NAV2: variants seen among roughly 807,000 people sequenced by gnomAD.
NAV2 encodes the protein helicase, APC down-regulated 1.
NAV2 carries 54 observed loss-of-function variants against 223.2 expected under a neutral mutation model. The observed-to-expected ratio is 0.24, with a 90% CI of 0.19 to 0.30. The LOEUF is 0.30. Ranked by LOEUF, NAV2 falls within the 10% of genes least tolerant of loss-of-function variation. The probability of loss-of-function intolerance (pLI) is 1.00; values close to 1 mark genes in which losing one functional copy is unlikely to be tolerated. For missense variants in NAV2, 2,806 were observed against 3,147.5 expected (o/e 0.89, Z 2.60); for synonymous variants, 1,279 against 1,239.3 (o/e 1.03, Z -0.67).
chr11:19,534,668 T>C (rs1199442152), intron 1 of NAV2, among the ~76,000 whole-genome samples: 1 of 152,142 alleles, frequency 6.6e-6, no homozygotes, highest in Non-Finnish European at 1.5e-5. Flanking sequence ...AGCAATGGCA[T>C]GGAACTTGGA....
chr11:20,031,700 T>A (rs1414346329), intron 11 of NAV2, among the ~76,000 whole-genome samples: 2 of 151,826 alleles, frequency 1.3e-5, no homozygotes, highest in Non-Finnish European at 2.9e-5. Flanking sequence ...CACTGGCAGC[T>A]CTAGGCTCTA....
At chr11:19,514,387 T>C (rs35735536) in intron 1 of NAV2, among the ~76,000 whole-genome samples, 2,541 of 152,288 alleles carry the variant, frequency 0.017, 46 homozygotes, top group Non-Finnish European at 0.025. Context: ...CTCTTTAACA[T>C]TGCGGTTTTT....
At chr11:19,871,695 G>A (rs1041188735) in intron 4 of NAV2, among the ~76,000 whole-genome samples, 5 of 152,150 alleles carry the variant, frequency 3.3e-5, no homozygotes, top group South Asian at 4.1e-4. Flanking sequence ...GGAACTGCAA[G>A]GCCTCCTGTC....
chr11:19,606,252 G>A (rs2046473123), intron 1 of NAV2, among the ~76,000 whole-genome samples: 1 of 152,186 alleles, frequency 6.6e-6, no homozygotes, highest in Non-Finnish European at 1.5e-5. Context: ...AAAGTGTATT[G>A]GATATTGGAT....
chr11:19,865,081 AG>A (rs1361408483), intron 3 of NAV2, among the ~76,000 whole-genome samples: 1 of 152,232 alleles, frequency 6.6e-6, no homozygotes, highest in East Asian at 1.9e-4. Context: ...AATTTTGGAA[AG>A]TAGTTTATAT....
chr11:19,897,320 C>T (rs982316090), intron 6 of NAV2, among the ~76,000 whole-genome samples: 11 of 151,806 alleles, frequency 7.2e-5, no homozygotes, highest in East Asian at 1.9e-4. Flanking sequence ...CAACATGGCA[C>T]GGGTATACAT....
At chr11:19,549,220 G>C (rs2044609436) in intron 1 of NAV2, among the ~76,000 whole-genome samples, 2 of 152,188 alleles carry the variant, frequency 1.3e-5, no homozygotes, top group Non-Finnish European at 2.9e-5. Context: ...ATTCTCATCA[G>C]ACTGGCTAAG....
At chr11:19,918,511 T>C (rs1382424953) in intron 6 of NAV2, among the ~76,000 whole-genome samples, 1 of 152,222 alleles carries the variant, frequency 6.6e-6, no homozygotes, top group African/African-American at 2.4e-5. Context: ...ATGAAAAAAG[T>C]ATATGCCTGC....
chr11:19,739,278 C>CAT (rs2052595038), intron 1 of NAV2, among the ~76,000 whole-genome samples: 1 of 152,218 alleles, frequency 6.6e-6, no homozygotes, highest in Non-Finnish European at 1.5e-5. Context: ...ATTGAACATT[C>CAT]ATATATACTA....
intron 1 of NAV2, among the ~76,000 whole-genome samples, chr11:19,728,274 A>C (rs2051418998): frequency 6.6e-6 from 1 of 152,178 alleles, no homozygotes; most frequent in South Asian, 2.1e-4. Flanking sequence ...ACCCTCATTT[A>C]GCAAGCTTCA....
intron 23 of NAV2, 86 bp from the exon 24 acceptor site, chr11:20,077,907 C>T (rs754558449): frequency 1.9e-5 from 20 of 1,046,820 alleles, no homozygotes; most frequent in Admixed American, 4.1e-5. Context: ...CATTCCCGCT[C>T]CTCCTGTGTT....
At chr11:19,467,919 T>C (rs1852425444) in intron 1 of NAV2, among the ~76,000 whole-genome samples, 1 of 152,156 alleles carries the variant, frequency 6.6e-6, no homozygotes, top group African/African-American at 2.4e-5. Flanking sequence ...TTCATAGCCA[T>C]GGAAGCATGA....
intron 3 of NAV2, among the ~76,000 whole-genome samples, chr11:19,846,233 A>C (rs564983755): frequency 6.6e-6 from 1 of 152,310 alleles, no homozygotes; most frequent in African/African-American, 2.4e-5. Context: ...CCACAGAGGA[A>C]GGTTTTACAA....
chr11:19,959,696 C>T (rs11025344), intron 10 of NAV2, among the ~76,000 whole-genome samples: 9,320 of 152,244 alleles, frequency 0.061, 510 homozygotes, highest in East Asian at 0.28. Flanking sequence ...CCCCGCATGA[C>T]TCCTCCCCAA....
At chr11:19,819,557 G>C (rs941676822) in intron 1 of NAV2, among the ~76,000 whole-genome samples, 5 of 152,194 alleles carry the variant, frequency 3.3e-5, no homozygotes, top group African/African-American at 1.2e-4. Context: ...TGGGACCAGA[G>C]AACCTGCCCA....
intron 5 of NAV2, among the ~76,000 whole-genome samples, chr11:19,889,595 C>T (rs2041321481): frequency 6.6e-6 from 1 of 152,186 alleles, no homozygotes; most frequent in South Asian, 2.1e-4. Flanking sequence ...TTCTCCATGT[C>T]CCAAAAGGCT....
intron 22 of NAV2, 62 bp downstream of exon 22, chr11:20,068,460 G>T: frequency 8.2e-7 from 1 of 1,223,848 alleles, no homozygotes; most frequent in Non-Finnish European, 1.2e-6. Context: ...CTTCTGAACA[G>T]CCTCAAGTCC....
At chr11:19,746,576 G>A (rs2053368210) in intron 1 of NAV2, among the ~76,000 whole-genome samples, 1 of 152,142 alleles carries the variant, frequency 6.6e-6, no homozygotes, top group African/African-American at 2.4e-5. Context: ...ATCAAAAGAA[G>A]GTGGATTGAA....
intron 1 of NAV2, among the ~76,000 whole-genome samples, chr11:19,464,224 G>GC (rs1051581068): frequency 6.6e-6 from 1 of 152,124 alleles, no homozygotes; most frequent in African/African-American, 2.4e-5. Flanking sequence ...TTAAAAAAAT[G>GC]CCATCCCTGC....
Sources: gnomAD v4.1 joint callset for allele counts (sites outside exome capture counted in the v4.1 genomes callset) on GRCh38, gnomAD v4.1.1 for gene constraint, MANE v1.5 for transcripts, NCBI Gene and HGNC (gene_info 2026-07-23, HGNC 2026-07-21) for gene names.